Variants in KRT5 observed in about 807,000 individuals in gnomAD.
KRT5 encodes the protein keratin 5.
Under a neutral mutation model 44.0 loss-of-function variants are expected in KRT5, and 17 were observed. The observed-to-expected ratio is 0.39, with a 90% CI of 0.26 to 0.58. The LOEUF is 0.58. KRT5 is among the 20% of genes least tolerant of loss of function. KRT5 has a pLI of 0.61. For synonymous variants in KRT5, 329 were observed against 312.8 expected, an observed-to-expected ratio of 1.05 and a Z score of -0.55; for missense variants, 737 against 785.5, an observed-to-expected ratio of 0.94 and a Z score of 0.74.
intron 5 of KRT5, 79 bp from the exon 6 acceptor site, chr12:52,517,311 T>C: frequency 6.4e-7 from 1 of 1,557,798 alleles, no homozygotes; most frequent in Non-Finnish European, 8.8e-7. Flanking sequence ...AGGCAGTGAG[T>C]ACTAAGTGGT....
At position 52,519,881 on chromosome 12, in the gene KRT5, C is replaced by T. The variant is rs759981510; in HGVS notation, c.416G>A (p.Gly139Asp). ...CTGGTTGACAGTGACCTCTTGGATA[C>T]CTCCAGGAGGGCAGACAGGAAAGCC... ...GPGFPVCPPG[G>D]IQEVTVNQSL... The change falls in exon 1 of 9, where the codon GGT becomes GAT. Residue 139 changes from glycine (G) to aspartate (D), a missense_variant. By Grantham distance (94) the Gly-to-Asp change is moderately conservative. This residue lies in a region of KRT5 where 326 missense variants were observed against 333.1 expected (regional missense o/e 0.98). Coordinates refer to ENST00000252242, the MANE Select transcript of KRT5 (RefSeq NM_000424.4). 1.2e-5 allele frequency: 19 copies of T among 1,613,830 alleles called. No individual in the cohort carries two copies. The highest frequency in any genetic ancestry group is 1.6e-5 in the Non-Finnish European group (19 of 1,180,008).
chr12:52,516,561 T>C, intron 7 of KRT5, 76 bp downstream of exon 7: 3 of 1,336,736 alleles, frequency 2.2e-6, no homozygotes, highest in Non-Finnish European at 3.2e-6. Flanking sequence ...CTCATGTATG[T>C]GTGTTGTACA....
intron 1 of KRT5, 43 bp from the exon 2 acceptor site, chr12:52,519,203 A>G (rs1227552287): frequency 5.6e-6 from 9 of 1,612,110 alleles, no homozygotes; most frequent in Middle Eastern, 1.8e-4. Context: ...CTTGGATTTC[A>G]TGTTCTATGA....
chr12:52,517,495 A>G (rs4761923), intron 5 of KRT5, 95 bp downstream of exon 5: 175,977 of 1,348,078 alleles, frequency 0.13, 12,354 homozygotes, highest in Middle Eastern at 0.19. Flanking sequence ...GGGCTTCAGC[A>G]GGTTCCAGGA....
At chr12:52,515,300 C>T (rs938224967) in intron 8 of KRT5, 60 bp from the exon 9 acceptor site, 1 of 1,598,970 alleles carries the variant, frequency 6.3e-7, no homozygotes, top group Non-Finnish European at 8.5e-7. Flanking sequence ...CTGCATGGCC[C>T]ATTTATTTGA....
Position 52,515,161 on chromosome 12 carries a change from GCCGCCAAGACCTCCACCGAGGCCA to G in KRT5, c.1530_1553del (p.Gly517_Leu524del), listed in dbSNP as rs762601407. The G allele has an allele frequency of 4.7e-5, 76 of 1,609,990 alleles. 1 individual carries two copies. The highest frequency in any genetic ancestry group is 1.6e-4 in the Middle Eastern group (1 of 6,074). On this transcript the variant is annotated inframe_deletion, in exon 9 of 9. Coordinates refer to ENST00000252242, the MANE Select transcript of KRT5 (RefSeq NM_000424.4). ...CTCCGGCAAGACCTCCACCGAGGCC[GCCGCCAAGACCTCCACCGAGGCCA>G]CCGCCATAGCCACTGCCACTGCCAT...
intron 2 of KRT5, chr12:52,518,529 C>A: frequency 1.8e-6 from 1 of 543,030 alleles, no homozygotes. Context: ...AAAATTAAAT[C>A]TAGCATCCTA....
chr12:52,517,044 A>G, intron 6 of KRT5, 63 bp downstream of exon 6: 1 of 1,605,098 alleles, frequency 6.2e-7, no homozygotes, highest in Non-Finnish European at 8.5e-7. Context: ...ACAAAATAAA[A>G]CAAAGTAGGT....
chr12:52,519,297 G>T, intron 1 of KRT5, 137 bp from the exon 2 acceptor site: 1 of 1,359,338 alleles, frequency 7.4e-7, no homozygotes, highest in East Asian at 2.5e-5. Context: ...CCCCAGGAGG[G>T]GAGGTGCAGA....
chr12:52,520,056 C>T lies in KRT5; in HGVS notation c.241G>A (p.Gly81Ser), dbSNP rs1938689437. The T allele has an allele frequency of 1.2e-6, 2 of 1,614,026 alleles. No individual in the cohort carries two copies. Among genetic ancestry groups the T allele is most frequent in the African/African-American group, 1.3e-5 (1 of 74,904 alleles). ...GCACCAAACCGGTTCCTGAAGCTGCCACCACTAGTGCTGATGGATATCCTC... is the reference window on the plus strand; with the variant it reads ...GCACCAAACCGGTTCCTGAAGCTGCTACCACTAGTGCTGATGGATATCCTC... ...SKRISISTSG[G>S]SFRNRFGAGA... is the part of the protein sequence containing the mutation. Residue 81 changes from glycine to serine, a missense_variant, in exon 1 of 9, where the codon GGC (glycine) becomes AGC (serine). Transcript: ENST00000252242.
chr12:52,515,169 G>A lies in KRT5; in HGVS notation c.1546C>T (p.Leu516Phe), dbSNP rs2120469367. 2.5e-6 allele frequency: 4 copies of A among 1,612,040 alleles called. No individual in the cohort carries two copies. In the African/African-American group the frequency reaches 4.0e-5, roughly 16 times the overall value. The change falls in exon 9 of 9, where the codon CTT becomes TTT. Residue 516 changes from leucine (L) to phenylalanine (F), a missense_variant. By Grantham distance (22) the Leu-to-Phe change is conservative. Around this residue, in one of 5 missense-constraint regions of KRT5, gnomAD observed 344 missense variants for 351.6 expected, o/e 0.98. Transcript: ENST00000252242. ...SGYGGGLGGG[L>F]GGGLGGGLAG... ...AGACCTCCACCGAGGCCGCCGCCAA[G>A]ACCTCCACCGAGGCCACCGCCATAG... is the stretch of plus-strand genomic sequence containing the variant.
At chr12:52,516,557 T>C (rs548314067) in intron 7 of KRT5, 80 bp downstream of exon 7, 2 of 1,282,570 alleles carry the variant, frequency 1.6e-6, no homozygotes, top group Non-Finnish European at 2.3e-6. Flanking sequence ...TGATCTCATG[T>C]ATGTGTGTTG....
In KRT5 at chr12:52,519,063, A is replaced by G. The variant is rs766003980; in HGVS notation, c.653T>C (p.Leu218Ser). The change falls in exon 2 of 9, where the codon TTG becomes TCG. Residue 218 changes from leucine to serine, a missense_variant. Physicochemically the swap from Leu to Ser is moderately radical, Grantham distance 145 (BLOSUM62 -2). This residue lies in a region of KRT5 where 326 missense variants were observed against 333.1 expected (regional missense o/e 0.98). Coordinates refer to ENST00000252242, the MANE Select transcript of KRT5 (RefSeq NM_000424.4). ...GAGGTTGTTGATGTACTGCTCGAACAACGGCTCCAGGTTCTGCCTCACAGT... is the reference window on the plus strand; with the variant it reads ...GAGGTTGTTGATGTACTGCTCGAACGACGGCTCCAGGTTCTGCCTCACAGT... ...TKTVRQNLEP[L>S]FEQYINNLRR... The G allele has an allele frequency of 2.4e-5, 39 of 1,614,152 alleles. No homozygotes were observed. The highest frequency in any genetic ancestry group is 3.1e-5 in the Non-Finnish European group (37 of 1,180,030).
chr12:52,519,096 C>T lies in KRT5; in HGVS notation c.620G>A (p.Gly207Asp), dbSNP rs1400188232. ...CAGGTTCTGCCTCACAGTCTTGGTG[C>T]CCTGCTCCTGCAGCAGGGTCCACTT... is the stretch of plus-strand genomic sequence containing the variant. ...DTKWTLLQEQ[G>D]TKTVRQNLEP... The change falls in exon 2 of 9, where the codon GGC becomes GAC. Residue 207 changes from glycine to aspartate, a missense_variant. By Grantham distance (94) the Gly-to-Asp change is moderately conservative. Around this residue, in one of 5 missense-constraint regions of KRT5, gnomAD observed 326 missense variants for 333.1 expected, o/e 0.98. Transcript: ENST00000252242. 1 of 1,614,082 alleles carries T rather than the reference C, an allele frequency of 6.2e-7. No individual in the cohort carries two copies. The highest frequency in any genetic ancestry group is 1.7e-5 in the Admixed American group (1 of 60,006).
intron 8 of KRT5, 22 bp downstream of exon 8, chr12:52,515,776 A>T: frequency 1.3e-6 from 2 of 1,595,062 alleles, no homozygotes; most frequent in Non-Finnish European, 1.7e-6. Context: ...GTCGTTGTTA[A>T]TGTCTGTTCA....
chr12:52,519,456 T>G, intron 1 of KRT5: 2 of 627,380 alleles, frequency 3.2e-6, no homozygotes, highest in Non-Finnish European at 2.8e-6. Flanking sequence ...TCTACCTTCC[T>G]GTACAGTCAG....
intron 8 of KRT5, 108 bp downstream of exon 8, chr12:52,515,690 A>G (rs1166328048): frequency 5.6e-6 from 5 of 889,938 alleles, no homozygotes; most frequent in Non-Finnish European, 9.5e-6. Context: ...ATAAATAACC[A>G]TATGCTGGGA....
chr12:52,514,982 A>G lies in KRT5; in HGVS notation c.1733T>C (p.Val578Ala). The G allele has an allele frequency of 6.2e-7, 1 of 1,613,230 alleles. No individual in the cohort carries two copies. Among genetic ancestry groups the G allele is most frequent in the Non-Finnish European group, 8.5e-7 (1 of 1,179,868 alleles). Residue 578 changes from valine to alanine, a missense_variant, in exon 9 of 9, where the codon GTC becomes GCC. By Grantham distance (64) the Val-to-Ala change is moderately conservative. Around this residue, in one of 5 missense-constraint regions of KRT5, gnomAD observed 344 missense variants for 351.6 expected, o/e 0.98. Transcript: ENST00000252242. ...CTTCCGGGAGGAGGAGGTGGTGGAG[A>G]CAAATTTGACGCTGGAGCTGCTACC... Reference protein sequence around the residue: ...GGGSSSSVKFVSTTSSSRKSF... With the variant: ...GGGSSSSVKFASTTSSSRKSF...
chr12:52,517,800 T>C, intron 4 of KRT5, 46 bp from the exon 5 acceptor site: 1 of 1,612,932 alleles, frequency 6.2e-7, no homozygotes, highest in South Asian at 1.1e-5. Context: ...TGTTGTGTTA[T>C]TTAATGTCAG....
Sources: allele counts gnomAD v4.1 joint callset, GRCh38; gene constraint gnomAD v4.1.1; regional missense constraint gnomAD v4.1.1; transcripts MANE v1.5; gene names NCBI Gene and HGNC (gene_info 2026-07-23, HGNC 2026-07-21).